Variants in SYNPO2 observed in about 807,000 individuals in gnomAD.
The protein encoded by SYNPO2 is synaptopodin 2.
A neutral mutation model predicts 85.0 loss-of-function variants in SYNPO2; 56 were observed. That is an observed-to-expected ratio of 0.66 (90% confidence interval 0.53 to 0.82). SYNPO2 has a LOEUF of 0.82. Among genes scored for constraint, SYNPO2 ranks in the 40% least tolerant of loss-of-function variants. The pLI is 0.00. For missense variants in SYNPO2, 1,575 were observed against 1,534.2 expected, an observed-to-expected ratio of 1.03 and a Z score of -0.44; for synonymous variants, 602 against 591.1, an observed-to-expected ratio of 1.02 and a Z score of -0.27.
chr4:119,029,247 T>C (rs1302572591), intron 3 of SYNPO2, among the ~76,000 whole-genome samples: 3 of 152,118 alleles, frequency 2.0e-5, no homozygotes, highest in African/African-American at 7.2e-5. Context: ...TTTGAATTTA[T>C]ATTAATCCAG....
At chr4:119,014,775 T>C (rs1287244703) in intron 1 of SYNPO2, among the ~76,000 whole-genome samples, 1 of 152,200 alleles carries the variant, frequency 6.6e-6, no homozygotes, top group Non-Finnish European at 1.5e-5. Flanking sequence ...AAGTGATCAT[T>C]TAAACCAGCT....
At chr4:118,856,745 C>G (rs1315704826) in intron 1 of SYNPO2, among the ~76,000 whole-genome samples, 2 of 152,038 alleles carry the variant, frequency 1.3e-5, no homozygotes, top group African/African-American at 4.8e-5. Context: ...CTCCTGGGCT[C>G]AAGCGATCTG....
chr4:118,851,492 A>G (rs1016384750), intron 1 of SYNPO2, among the ~76,000 whole-genome samples: 3 of 152,184 alleles, frequency 2.0e-5, no homozygotes, highest in African/African-American at 7.2e-5. Flanking sequence ...CATCTCAAAA[A>G]AAAACAAAAA....
intron 1 of SYNPO2, among the ~76,000 whole-genome samples, chr4:118,880,313 T>A (rs2149110042): frequency 6.6e-6 from 1 of 152,314 alleles, no homozygotes; most frequent in East Asian, 1.9e-4. Context: ...TGGGGGGAAT[T>A]ATGTCCCTCC....
intron 4 of SYNPO2, among the ~76,000 whole-genome samples, chr4:119,038,746 C>T (rs1268515128): frequency 1.3e-5 from 2 of 152,158 alleles, no homozygotes; most frequent in African/African-American, 4.8e-5. Context: ...TAGAGTGTCA[C>T]GGTGCCAATC....
intron 4 of SYNPO2, among the ~76,000 whole-genome samples, chr4:119,040,913 G>A (rs540962848): frequency 1.3e-5 from 2 of 152,284 alleles, no homozygotes; most frequent in East Asian, 1.9e-4. Context: ...TAGAGTAATT[G>A]ATCCCCTTGC....
At position 118,977,088 on chromosome 4, in the gene SYNPO2, C is replaced by T. The variant is rs771474607; in HGVS notation, c.106-46342C>T. ...TTGGGTGGTCGATGGGACTGGGCGC[C>T]GTGGAGCAGGGGGTGGTGCTCGTCA... On this transcript the variant is annotated intron_variant, in intron 1 of 4. Transcript: ENST00000307142. Among the ~76,000 whole-genome samples the T allele has an allele frequency of 7.4e-4, 112 of 152,330 alleles. 1 individual carries two copies. The highest frequency in any genetic ancestry group is 2.6e-3 in the African/African-American group (109 of 41,582).
chr4:118,991,717 C>G (rs1736423383), intron 1 of SYNPO2, among the ~76,000 whole-genome samples: 1 of 152,098 alleles, frequency 6.6e-6, no homozygotes, highest in Non-Finnish European at 1.5e-5. Context: ...AGTAGAGACT[C>G]CTGTAGTTCT....
intron 1 of SYNPO2, among the ~76,000 whole-genome samples, chr4:118,871,683 C>G (rs549278266): frequency 2.6e-3 from 394 of 152,108 alleles, no homozygotes; most frequent in Non-Finnish European, 4.5e-3. Flanking sequence ...ATTCTCCTGC[C>G]TCAACCTCCC....
At chr4:118,934,035 G>A (rs1734020527) in intron 1 of SYNPO2, among the ~76,000 whole-genome samples, 1 of 152,034 alleles carries the variant, frequency 6.6e-6, no homozygotes. Flanking sequence ...TAGGATTTAC[G>A]TGATTCAGAG....
chr4:118,961,109 C>CG (rs1553941441), intron 1 of SYNPO2, among the ~76,000 whole-genome samples: 1 of 121,174 alleles, frequency 8.3e-6, no homozygotes, highest in Non-Finnish European at 1.7e-5. Context: ...GCCCCCCCCC[C>CG]ACCCCTCCAG....
At chr4:119,034,732 G>A (rs1420110953) in intron 4 of SYNPO2, 1 of 985,414 alleles carries the variant, frequency 1.0e-6, no homozygotes. Flanking sequence ...CCTGGAGTAA[G>A]AGGAATTTGC....
intron 1 of SYNPO2, among the ~76,000 whole-genome samples, chr4:118,874,054 C>T (rs1211396052): frequency 6.6e-6 from 1 of 152,126 alleles, no homozygotes; most frequent in Admixed American, 6.6e-5. Context: ...CTGGGTTCTC[C>T]ATTCTGTTCT....
intron 1 of SYNPO2, among the ~76,000 whole-genome samples, chr4:118,933,325 TG>T (rs1198159286): frequency 5.9e-5 from 9 of 152,220 alleles, no homozygotes; most frequent in Admixed American, 3.3e-4. Context: ...TACAGCATTT[TG>T]GGCAAACAGG....
intron 1 of SYNPO2, among the ~76,000 whole-genome samples, chr4:118,913,587 G>T (rs1308564498): frequency 6.6e-6 from 1 of 151,922 alleles, no homozygotes; most frequent in Non-Finnish European, 1.5e-5. Flanking sequence ...GTGTGTGTGT[G>T]TGTGTGTGTG....
intron 1 of SYNPO2, among the ~76,000 whole-genome samples, chr4:118,917,028 C>T (rs190392425): frequency 5.9e-5 from 9 of 152,236 alleles, no homozygotes; most frequent in Non-Finnish European, 1.0e-4. Flanking sequence ...AGCCACCGTG[C>T]CCCGCCCTTC....
At chr4:119,044,220 G>C (rs1475922889) in intron 4 of SYNPO2, among the ~76,000 whole-genome samples, 1 of 152,170 alleles carries the variant, frequency 6.6e-6, no homozygotes, top group Non-Finnish European at 1.5e-5. Flanking sequence ...ATTTGTATTT[G>C]AAAAGCACAT....
chr4:118,974,657 G>C (rs1735655388), intron 1 of SYNPO2, among the ~76,000 whole-genome samples: 1 of 152,158 alleles, frequency 6.6e-6, no homozygotes, highest in Non-Finnish European at 1.5e-5. Flanking sequence ...AAAGAGAGCT[G>C]GGATTTTAGG....
chr4:118,863,623 T>A (rs1053174097), intron 1 of SYNPO2, among the ~76,000 whole-genome samples: 1 of 152,184 alleles, frequency 6.6e-6, no homozygotes, highest in Non-Finnish European at 1.5e-5. Flanking sequence ...ATTTATCTTT[T>A]TTTTTTGAGA....
Sources: gnomAD v4.1 joint callset for allele counts (sites outside exome capture counted in the v4.1 genomes callset) on GRCh38, gnomAD v4.1.1 for gene constraint, MANE v1.5 for transcripts, NCBI Gene and HGNC (gene_info 2026-07-23, HGNC 2026-07-21) for gene names.